The following DYTN variants were observed in gnomAD, a reference collection of about 807,000 sequenced individuals.
The protein encoded by DYTN is dystrotelin.
In DYTN, 75 loss-of-function variants were observed where a neutral mutation model predicts 69.6. That is an observed-to-expected ratio of 1.08 (90% CI 0.89 to 1.31). The LOEUF (loss-of-function observed/expected upper bound fraction) is 1.31. DYTN is among the 50% of genes most tolerant of loss of function. The probability of loss-of-function intolerance (pLI) is 0.00; values close to 1 mark genes in which losing one functional copy is unlikely to be tolerated. For missense variants in DYTN, 726 were observed against 688.4 expected (o/e 1.05, Z -0.61); for synonymous variants, 252 against 249.1 (o/e 1.01, Z -0.11).
chr2:206,659,352 T>G (rs1699482349), intron 11 of DYTN, among the ~76,000 whole-genome samples: 1 of 151,058 alleles, frequency 6.6e-6, no homozygotes, highest in Non-Finnish European at 1.5e-5. Context: ...TTTTTGTATT[T>G]TTTAGTAGAA....
chr2:206,655,082 A>G (rs779196033), intron 11 of DYTN, among the ~76,000 whole-genome samples: 20 of 152,174 alleles, frequency 1.3e-4, no homozygotes, highest in African/African-American at 4.8e-4. Context: ...TCAGCTTTTC[A>G]CCTTTAAGAA....
intron 11 of DYTN, among the ~76,000 whole-genome samples, chr2:206,652,321 A>G (rs930847452): frequency 2.0e-5 from 3 of 152,178 alleles, no homozygotes; most frequent in Non-Finnish European, 4.4e-5. Context: ...TTAAGTTCCC[A>G]GGTGATACTG....
At chr2:206,692,138 G>A (rs550616249) in intron 9 of DYTN, among the ~76,000 whole-genome samples, 97 of 151,924 alleles carry the variant, frequency 6.4e-4, no homozygotes, top group Non-Finnish European at 1.1e-3. Context: ...AAAATTCAGC[G>A]AGCATGGTGG....
chr2:206,689,678 G>A (rs1251119077), intron 9 of DYTN, among the ~76,000 whole-genome samples: 2 of 152,170 alleles, frequency 1.3e-5, no homozygotes, highest in East Asian at 3.8e-4. Context: ...GAAAAGTGAA[G>A]TGACTTCCTC....
intron 9 of DYTN, among the ~76,000 whole-genome samples, chr2:206,666,761 G>A (rs912312816): frequency 3.3e-5 from 5 of 150,546 alleles, no homozygotes; most frequent in African/African-American, 1.2e-4. Flanking sequence ...GTGTGTGTGT[G>A]TGTGTGTGTT....
At chr2:206,712,512 A>G (rs1391603432) in intron 1 of DYTN, among the ~76,000 whole-genome samples, 1 of 152,178 alleles carries the variant, frequency 6.6e-6, no homozygotes, top group African/African-American at 2.4e-5. Context: ...AGAACAACAC[A>G]TAAAATCGAA....
chr2:206,657,171 A>G (rs979637137), intron 11 of DYTN, among the ~76,000 whole-genome samples: 2 of 152,142 alleles, frequency 1.3e-5, no homozygotes, highest in Non-Finnish European at 2.9e-5. Context: ...AATGGAGTGC[A>G]GTGGTGTGAT....
chr2:206,706,442 G>GA (rs1038555640), intron 3 of DYTN, among the ~76,000 whole-genome samples: 19 of 149,162 alleles, frequency 1.3e-4, no homozygotes, highest in African/African-American at 4.2e-4. Flanking sequence ...AAGCTGAAAT[G>GA]AAAAAATAAC....
chr2:206,686,764 G>T lies in DYTN; in HGVS notation c.980+6411C>A, dbSNP rs192886625. ...CACCCACAGGTCTCCATGTGCACCA[G>T]TTGCAGCCCCATGCCTTTTCACCAC... On this transcript the variant is annotated intron_variant, in intron 9 of 11. Transcript: ENST00000452335. The T allele has an allele frequency of 7.2e-5, 11 of 152,492 alleles. No individual in the cohort carries two copies. The East Asian group carries it at 1.9e-3, about 27-fold the overall frequency. The allele number at this position is 152,492 out of a possible 1,614,324, so 9.4% of individuals were successfully genotyped here.
At chr2:206,698,709 AT>A (rs1209297088) in intron 7 of DYTN, among the ~76,000 whole-genome samples, 2 of 152,200 alleles carry the variant, frequency 1.3e-5, no homozygotes, top group Non-Finnish European at 2.9e-5. Context: ...CTAAGATGGG[AT>A]TTTGACTGTT....
chr2:206,653,330 A>G (rs1446964028), intron 11 of DYTN, among the ~76,000 whole-genome samples: 2 of 152,206 alleles, frequency 1.3e-5, no homozygotes, highest in Non-Finnish European at 1.5e-5. Context: ...TATTAAAAAT[A>G]GCCAAAAATA....
rs111604608 is a variant in DYTN at position 206,698,258 on chromosome 2, A to G, written c.719+1469T>C. On this transcript the variant is annotated intron_variant, in intron 7 of 11. Coordinates refer to ENST00000452335, the MANE Select transcript of DYTN (RefSeq NM_001093730.1). ...AAGTTCAGTTCCTTGCCGAATTTTC[A>G]TGAATGAAGTTTCACTGTGTCCTGC... Among the ~76,000 whole-genome samples the G allele has an allele frequency of 1.3e-3, 195 of 152,280 alleles. 4 individuals carry two copies. The highest frequency in any genetic ancestry group is 4.4e-3 in the African/African-American group (183 of 41,544).
At chr2:206,694,919 T>TTA in intron 7 of DYTN, 42 bp from the exon 8 acceptor site, 15 of 1,063,338 alleles carry the variant, frequency 1.4e-5, no homozygotes, top group East Asian at 3.2e-5. Context: ...CACTAGTAGA[T>TTA]GAGAAAAAAA....
intron 1 of DYTN, among the ~76,000 whole-genome samples, chr2:206,714,524 C>T (rs1700109655): frequency 6.6e-6 from 1 of 152,106 alleles, no homozygotes; most frequent in African/African-American, 2.4e-5. Flanking sequence ...CACCTCCACT[C>T]AGGCCTTTGT....
intron 9 of DYTN, among the ~76,000 whole-genome samples, chr2:206,675,912 T>C (rs1699681429): frequency 6.6e-6 from 1 of 152,156 alleles, no homozygotes; most frequent in Non-Finnish European, 1.5e-5. Context: ...AAGATGATCA[T>C]TAAAATGTCT....
chr2:206,674,245 G>A (rs1000352851), intron 9 of DYTN, among the ~76,000 whole-genome samples: 1 of 152,056 alleles, frequency 6.6e-6, no homozygotes, highest in Non-Finnish European at 1.5e-5. Flanking sequence ...GGGAGTAAAA[G>A]TTGAGCATAT....
chr2:206,657,488 T>A (rs1025190374), intron 11 of DYTN, among the ~76,000 whole-genome samples: 1 of 152,226 alleles, frequency 6.6e-6, no homozygotes, highest in African/African-American at 2.4e-5. Context: ...TTGTATTGTA[T>A]ATTCATTAAC....
intron 11 of DYTN, 84 bp from the exon 12 acceptor site, chr2:206,652,005 A>G: frequency 8.0e-7 from 1 of 1,254,076 alleles, no homozygotes; most frequent in Non-Finnish European, 1.1e-6. Flanking sequence ...TCACATGGAG[A>G]AGAAACAGAA....
chr2:206,662,045 C>T (rs1699518188), intron 11 of DYTN, among the ~76,000 whole-genome samples: 1 of 152,204 alleles, frequency 6.6e-6, no homozygotes, highest in African/African-American at 2.4e-5. Flanking sequence ...AGCCACAGCT[C>T]CCAGTCAGCC....
Sources: gnomAD v4.1 joint callset for allele counts (sites outside exome capture counted in the v4.1 genomes callset) on GRCh38, gnomAD v4.1.1 for gene constraint, MANE v1.5 for transcripts, NCBI Gene and HGNC (gene_info 2026-07-23, HGNC 2026-07-21) for gene names.